The following STARD9 variants were observed in gnomAD, a reference collection of about 807,000 sequenced individuals.
The protein encoded by STARD9 is StAR related lipid transfer domain containing 9.
STARD9 carries 346 observed loss-of-function variants against 399.8 expected under a neutral mutation model. That is an observed-to-expected ratio of 0.87 (90% confidence interval 0.79 to 0.95). The LOEUF (loss-of-function observed/expected upper bound fraction) is 0.95. STARD9 is among the 40% of genes least tolerant of loss of function. The pLI is 0.00. For missense variants in STARD9, 5,832 were observed against 5,667.5 expected, an observed-to-expected ratio of 1.03 and a Z score of -0.93; for synonymous variants, 2,203 against 2,143.5, an observed-to-expected ratio of 1.03 and a Z score of -0.77.
At position 42,687,317 on chromosome 15, in the gene STARD9, T is replaced by C. The variant is rs751983795; in HGVS notation, c.5739T>C (p.Ser1913=). The C allele has an allele frequency of 5.2e-6, 8 of 1,536,678 alleles. No homozygotes were observed. The South Asian group carries it at 9.5e-5, about 18-fold the overall frequency. The change falls in exon 23 of 33, where the codon TCT becomes TCC. Residue 1913 remains serine, a synonymous_variant. Transcript: ENST00000290607. ...GGAAGTCTCTCCTCTTTCGTGAATCTGAGGCACGAGAGGAAGAAGAGCTGG... is the reference window on the plus strand; with the variant it reads ...GGAAGTCTCTCCTCTTTCGTGAATCCGAGGCACGAGAGGAAGAAGAGCTGG... ...ESGKSLLFRE[S]EAREEEELDQ...
At chr15:42,589,732 G>A (rs150311080) in intron 3 of STARD9, among the ~76,000 whole-genome samples, 4 of 151,752 alleles carry the variant, frequency 2.6e-5, no homozygotes, top group African/African-American at 9.7e-5. Context: ...TCAGCCTCCT[G>A]AGTAGCTGGG....
chr15:42,674,704 C>T (rs766671995), intron 17 of STARD9, 123 bp from the exon 18 acceptor site: 155 of 1,389,626 alleles, frequency 1.1e-4, no homozygotes, highest in Non-Finnish European at 1.4e-4. Context: ...TTCAGGTCAG[C>T]TCTTCCTCTT....
At chr15:42,662,659 T>G in intron 10 of STARD9, 135 bp from the exon 11 acceptor site, 1 of 545,816 alleles carries the variant, frequency 1.8e-6, no homozygotes, top group Non-Finnish European at 3.1e-6. Context: ...CTTCTGGAAC[T>G]GAATTCTAAA....
chr15:42,702,186 C>A (rs1011585644), intron 26 of STARD9, among the ~76,000 whole-genome samples: 1 of 151,974 alleles, frequency 6.6e-6, no homozygotes, highest in Admixed American at 6.6e-5. Flanking sequence ...AGTTATAGAA[C>A]AAAGACGATT....
At chr15:42,594,004 A>G (rs1466951196) in intron 3 of STARD9, among the ~76,000 whole-genome samples, 1 of 152,152 alleles carries the variant, frequency 6.6e-6, no homozygotes, top group East Asian at 1.9e-4. Context: ...GGTCTCCACA[A>G]TATACTGAAC....
chr15:42,652,664 T>A (rs1482428268), intron 9 of STARD9, 72 bp downstream of exon 9: 3 of 1,339,328 alleles, frequency 2.2e-6, no homozygotes, highest in Non-Finnish European at 3.1e-6. Flanking sequence ...TTGTCTTCCT[T>A]CCTATTTCTT....
rs2061376833 is a variant in STARD9, at chr15:42,717,775, C to T, written c.13539C>T (p.Cys4513=). The change falls in exon 29 of 33, where the codon TGC becomes TGT. Residue 4513 remains cysteine, a synonymous_variant. Transcript: ENST00000290607. Reference sequence around the variant, plus strand: ...ATAATTTGCACAACCTCTTCAGCTGCCAGGCAACTGCTGGCTGGAAGTAAG... The same window carrying T: ...ATAATTTGCACAACCTCTTCAGCTGTCAGGCAACTGCTGGCTGGAAGTAAG... ...CSDNLHNLFS[C]QATAGWNYQG... is the part of the protein sequence containing the mutation. 3 of 1,537,226 alleles carry T rather than the reference C, an allele frequency of 2.0e-6. No individual in the cohort carries two copies. In the East Asian group the frequency reaches 7.3e-5, roughly 38 times the overall value.
At chr15:42,590,660 A>AG (rs1485130915) in intron 3 of STARD9, among the ~76,000 whole-genome samples, 1 of 152,216 alleles carries the variant, frequency 6.6e-6, no homozygotes, top group Non-Finnish European at 1.5e-5. Flanking sequence ...ACAATTCTGC[A>AG]GGCTTTATAG....
At chr15:42,713,470 C>T (rs2061289019) in intron 26 of STARD9, among the ~76,000 whole-genome samples, 1 of 151,748 alleles carries the variant, frequency 6.6e-6, no homozygotes, top group African/African-American at 2.4e-5. Context: ...TTGTCTTACT[C>T]CTGATTTGAG....
At position 42,681,602 on chromosome 15, in the gene STARD9, G is replaced by C. The variant is rs1351167046; in HGVS notation, c.2055G>C (p.Gln685His). The change falls in exon 21 of 33, where the codon CAG (glutamine) becomes CAC (histidine). Residue 685 changes from glutamine (Q) to histidine (H), a missense_variant. Around this residue, in one of 2 missense-constraint regions of STARD9, gnomAD observed 5,828 missense variants for 5,651.1 expected, o/e 1.03. Coordinates refer to ENST00000290607, the MANE Select transcript of STARD9 (RefSeq NM_020759.3). ...LEFDQAWISQ[Q>H]IKENQQCLLR... The stretch of plus-strand genomic sequence containing the variant: ...TTGACCAAGCTTGGATTAGCCAGCA[G>C]ATTAAAGAAAGTAGGTGTCCACCAC... 2.0e-6 allele frequency: 3 copies of C among 1,536,338 alleles called. No individual in the cohort carries two copies. The African/African-American group carries it at 4.1e-5, about 21-fold the overall frequency.
At position 42,665,871 on chromosome 15, in the gene STARD9, G is replaced by A. The variant is rs1185668220; in HGVS notation, c.1317+23G>A. 2.6e-6 allele frequency: 4 copies of A among 1,535,036 alleles called. No homozygotes were observed. In the African/African-American group the frequency reaches 5.5e-5, roughly 21 times the overall value. ...AAGGTGGGTGTGTTGGGTGGACTCA[G>A]TTGTTCTTTACATCACCTGGGAGCT... On this transcript the variant is annotated intron_variant, in intron 15 of 32. Coordinates refer to ENST00000290607, the MANE Select transcript of STARD9 (RefSeq NM_020759.3).
At chr15:42,709,212 A>G (rs2061156987) in intron 26 of STARD9, among the ~76,000 whole-genome samples, 1 of 152,154 alleles carries the variant, frequency 6.6e-6, no homozygotes, top group East Asian at 1.9e-4. Context: ...CCTAGGCAAC[A>G]TAGTGATACG....
In STARD9 at chr15:42,715,082, A is replaced by C. The variant is rs1030300255; in HGVS notation, c.13285-1595A>C. 2.3e-3 allele frequency among the ~76,000 whole-genome samples: 346 copies of C among 152,136 alleles called. 1 individual carries two copies. The Middle Eastern group carries it at 0.024, about 10-fold the overall frequency. ...CAGTTGAAGAGGATGTATCAACAAAAAAAAAAAAACCACTCAGAGAGATGA... is the reference window on the plus strand; with the variant it reads ...CAGTTGAAGAGGATGTATCAACAAACAAAAAAAAACCACTCAGAGAGATGA... On this transcript the variant is annotated intron_variant, in intron 26 of 32. Coordinates refer to ENST00000290607, the MANE Select transcript of STARD9 (RefSeq NM_020759.3).
intron 1 of STARD9, among the ~76,000 whole-genome samples, chr15:42,581,665 GC>G (rs1370119050): frequency 8.5e-6 from 1 of 117,986 alleles, no homozygotes; most frequent in African/African-American, 2.6e-5. Context: ...CTCGCCAGCA[GC>G]CTCAGCAGCA....
At chr15:42,590,951 A>T (rs1006813953) in intron 3 of STARD9, among the ~76,000 whole-genome samples, 2 of 152,158 alleles carry the variant, frequency 1.3e-5, no homozygotes, top group African/African-American at 4.8e-5. Flanking sequence ...TCAACATGAG[A>T]TTTGGAGGGG....
intron 3 of STARD9, among the ~76,000 whole-genome samples, chr15:42,628,363 C>T (rs1157347720): frequency 2.6e-5 from 4 of 152,094 alleles, no homozygotes; most frequent in African/African-American, 7.2e-5. Context: ...CAGATATATT[C>T]GCCTGTTCTG....
chr15:42,648,709 ATCT>A (rs2059694589), intron 7 of STARD9, among the ~76,000 whole-genome samples: 2 of 152,058 alleles, frequency 1.3e-5, no homozygotes, highest in East Asian at 1.9e-4. Context: ...GTGCTTTTGT[ATCT>A]TCTTATCAGT....
At chr15:42,703,367 G>GT (rs34868427) in intron 26 of STARD9, among the ~76,000 whole-genome samples, 158 of 140,262 alleles carry the variant, frequency 1.1e-3, no homozygotes, top group Non-Finnish European at 1.5e-3. Context: ...TGTTTTGTTT[G>GT]TTTTTTTTTT....
At chr15:42,643,864 A>C (rs2059593118) in intron 7 of STARD9, among the ~76,000 whole-genome samples, 1 of 152,212 alleles carries the variant, frequency 6.6e-6, no homozygotes, top group Admixed American at 6.5e-5. Context: ...AGTTTAAAGT[A>C]TATATAATTT....
Sources: allele counts gnomAD v4.1 joint callset (sites outside exome capture counted in the v4.1 genomes callset), GRCh38; gene constraint gnomAD v4.1.1; regional missense constraint gnomAD v4.1.1; transcripts MANE v1.5; gene names NCBI Gene and HGNC (gene_info 2026-07-23, HGNC 2026-07-21).